RBFOX1: variants seen among roughly 807,000 people sequenced by gnomAD.
RBFOX1 encodes the protein RNA binding fox-1 homolog 1, also known as RNA binding protein fox-1 homolog 1.
Under a neutral mutation model 57.7 loss-of-function variants are expected in RBFOX1, and 8 were observed. The observed-to-expected ratio is 0.14, with a 90% confidence interval of 0.08 to 0.25. The LOEUF (loss-of-function observed/expected upper bound fraction) is 0.25. Ranked by LOEUF, RBFOX1 falls within the 10% of genes least tolerant of loss-of-function variation. The probability of loss-of-function intolerance (pLI) is 1.00; values close to 1 mark genes in which losing one functional copy is unlikely to be tolerated. For synonymous variants in RBFOX1, 326 were observed against 222.4 expected (o/e 1.47, Z -4.15); for missense variants, 611 against 548.5 (o/e 1.11, Z -1.14).
chr16:6,993,147 C>G (rs143005059), intron 3 of RBFOX1, among the ~76,000 whole-genome samples: 139 of 152,272 alleles, frequency 9.1e-4, no homozygotes, highest in African/African-American at 3.2e-3. Context: ...AACTGTAACA[C>G]TGACTTTCTT....
At chr16:6,678,724 C>G (rs960547258) in intron 3 of RBFOX1, among the ~76,000 whole-genome samples, 1 of 151,908 alleles carries the variant, frequency 6.6e-6, no homozygotes, top group Admixed American at 6.6e-5. Flanking sequence ...AGAGTAGATG[C>G]TCTGACTGAT....
At chr16:7,563,658 G>T (rs920999451) in intron 5 of RBFOX1, among the ~76,000 whole-genome samples, 1 of 151,900 alleles carries the variant, frequency 6.6e-6, no homozygotes, top group Non-Finnish European at 1.5e-5. Context: ...TAGTAGAGAC[G>T]GGGGTTTCAC....
intron 2 of RBFOX1, among the ~76,000 whole-genome samples, chr16:6,569,215 A>G (rs893218859): frequency 1.3e-5 from 2 of 152,226 alleles, no homozygotes; most frequent in African/African-American, 2.4e-5. Context: ...AATACTCTGT[A>G]TTAGTTATCT....
At chr16:5,969,801 G>T (rs1408697931) in intron 4 of RBFOX1, among the ~76,000 whole-genome samples, 1 of 151,772 alleles carries the variant, frequency 6.6e-6, no homozygotes, top group Non-Finnish European at 1.5e-5. Flanking sequence ...TTTGGACTTT[G>T]TTTCATTTTT....
chr16:7,530,257 G>C (rs1409750165), intron 5 of RBFOX1, among the ~76,000 whole-genome samples: 1 of 152,124 alleles, frequency 6.6e-6, no homozygotes, highest in Non-Finnish European at 1.5e-5. Context: ...GATGTCCTAA[G>C]AGAAAACTCC....
intron 4 of RBFOX1, among the ~76,000 whole-genome samples, chr16:7,214,576 C>G (rs2091717737): frequency 6.6e-6 from 1 of 152,048 alleles, no homozygotes; most frequent in East Asian, 1.9e-4. Flanking sequence ...TAGCTGTGCT[C>G]CTACCTCATC....
In RBFOX1 at chr16:6,876,005, A is replaced by G. The variant is rs182856216; in HGVS notation, c.-15-176052A>G. On this transcript the variant is annotated intron_variant, in intron 3 of 15. Coordinates refer to ENST00000550418, the MANE Select transcript of RBFOX1 (RefSeq NM_018723.4). ...ACAGTGGAACTTGTCTCAAAAAATA[A>G]TAATTCCATTTAAAAAAAATAAGCA... Among the ~76,000 whole-genome samples the G allele has an allele frequency of 3.3e-5, 5 of 152,064 alleles. No individual in the cohort carries two copies. The East Asian group carries it at 5.8e-4, about 18-fold the overall frequency.
At chr16:7,504,319 GT>G (rs2151895684) in intron 4 of RBFOX1, among the ~76,000 whole-genome samples, 1 of 152,098 alleles carries the variant, frequency 6.6e-6, no homozygotes, top group South Asian at 2.1e-4. Context: ...TTGTATTATT[GT>G]TATTATCAAG....
At chr16:6,624,282 G>A (rs1398616495) in intron 2 of RBFOX1, among the ~76,000 whole-genome samples, 1 of 152,178 alleles carries the variant, frequency 6.6e-6, no homozygotes. Context: ...CTTTGCAAAA[G>A]TACCTTTTAA....
At chr16:6,116,176 A>T (rs2096494051) in intron 1 of RBFOX1, among the ~76,000 whole-genome samples, 1 of 151,446 alleles carries the variant, frequency 6.6e-6, no homozygotes, top group African/African-American at 2.4e-5. Context: ...GGAACAGAAA[A>T]CCGAACACCG....
chr16:6,928,784 C>T (rs369690533), intron 3 of RBFOX1, among the ~76,000 whole-genome samples: 8 of 152,138 alleles, frequency 5.3e-5, no homozygotes, highest in South Asian at 2.1e-4. Flanking sequence ...GATTTCTTTC[C>T]GCTATGAAAA....
At chr16:7,612,087 C>T (rs1020944835) in intron 10 of RBFOX1, among the ~76,000 whole-genome samples, 8 of 151,734 alleles carry the variant, frequency 5.3e-5, no homozygotes, top group East Asian at 3.9e-4. Flanking sequence ...TTTGGGAGGC[C>T]GAGGCAGGTG....
chr16:7,314,030 C>T (rs1022655160), intron 4 of RBFOX1, among the ~76,000 whole-genome samples: 19 of 84,462 alleles, frequency 2.2e-4, no homozygotes, highest in African/African-American at 8.6e-4. Flanking sequence ...CTTTGATGCT[C>T]TTCCCGATTT....
At chr16:5,995,771 G>T (rs912137083) in intron 4 of RBFOX1, among the ~76,000 whole-genome samples, 43 of 152,266 alleles carry the variant, frequency 2.8e-4, no homozygotes, top group African/African-American at 9.9e-4. Flanking sequence ...CCATAAATAG[G>T]GTAGGGAGGG....
chr16:6,655,015 A>G (rs968681539), intron 3 of RBFOX1, among the ~76,000 whole-genome samples: 4 of 151,748 alleles, frequency 2.6e-5, no homozygotes, highest in Non-Finnish European at 5.9e-5. Context: ...TATTACTTAC[A>G]TTATAGAATA....
intron 1 of RBFOX1, among the ~76,000 whole-genome samples, chr16:6,232,669 G>A (rs2097472948): frequency 6.6e-6 from 1 of 152,150 alleles, no homozygotes; most frequent in Admixed American, 6.5e-5. Flanking sequence ...GGAGTCCTTA[G>A]GTTCAAACCT....
At position 7,581,825 on chromosome 16, in the gene RBFOX1, C is replaced by T. The variant is rs147816202; in HGVS notation, c.414+1905C>T. Among the ~76,000 whole-genome samples the T allele has an allele frequency of 5.8e-4, 89 of 152,234 alleles. 1 individual carries two copies. The East Asian group carries it at 0.016, about 28-fold the overall frequency. ...TCTTGGGCTCAAGGGATCCTCCCAC[C>T]TCAGCCTCCCAAGTAGCTGGGACTA... On this transcript the variant is annotated intron_variant, in intron 6 of 15. Transcript: ENST00000550418.
At chr16:5,612,246 A>C (rs1263033196) in intron 3 of RBFOX1, among the ~76,000 whole-genome samples, 1 of 135,028 alleles carries the variant, frequency 7.4e-6, no homozygotes, top group East Asian at 2.5e-4. Flanking sequence ...CTCTCCCATC[A>C]GTTCTCCCAT....
At chr16:6,780,564 A>ATATATATATT (rs1236932795) in intron 3 of RBFOX1, among the ~76,000 whole-genome samples, 5 of 111,046 alleles carry the variant, frequency 4.5e-5, no homozygotes, top group African/African-American at 2.3e-4. Flanking sequence ...TTACATATTT[A>ATATATATATT]TATATATTTA....
Sources: allele counts gnomAD v4.1 joint callset (sites outside exome capture counted in the v4.1 genomes callset), GRCh38; gene constraint gnomAD v4.1.1; transcripts MANE v1.5; gene names NCBI Gene and HGNC (gene_info 2026-07-23, HGNC 2026-07-21).